The following MAP3K20 variants were observed in gnomAD, a reference collection of about 807,000 sequenced individuals.
MAP3K20 encodes the protein mitogen-activated protein kinase kinase kinase 20.
A neutral mutation model predicts 85.7 loss-of-function variants in MAP3K20; 40 were observed. The ratio of observed to expected loss-of-function variants is 0.47; its 90% CI spans 0.36 to 0.61. The LOEUF (loss-of-function observed/expected upper bound fraction) is 0.61, where lower values mean the gene tolerates loss of function less well. Ranked by LOEUF, MAP3K20 falls within the 20% of genes least tolerant of loss-of-function variation. The probability of loss-of-function intolerance (pLI) is 0.00; values close to 1 mark genes in which losing one functional copy is unlikely to be tolerated. For synonymous variants in MAP3K20, 325 were observed against 327.7 expected (o/e 0.99, Z 0.09); for missense variants, 817 against 961.7 (o/e 0.85, Z 1.99).
At chr2:173,096,523 A>T (rs141753970) in intron 2 of MAP3K20, among the ~76,000 whole-genome samples, 1 of 152,052 alleles carries the variant, frequency 6.6e-6, no homozygotes, top group African/African-American at 2.4e-5. Context: ...GTAGTTTAGT[A>T]GAAACGGGGT....
chr2:173,225,255 T>C, intron 11 of MAP3K20: 1 of 509,388 alleles, frequency 2.0e-6, no homozygotes, highest in Non-Finnish European at 2.5e-6. Flanking sequence ...GTGCCAGGAA[T>C]AGTAACATTA....
chr2:173,168,869 G>T (rs563287573), intron 2 of MAP3K20, among the ~76,000 whole-genome samples: 14 of 151,920 alleles, frequency 9.2e-5, no homozygotes, highest in East Asian at 1.9e-4. Context: ...ATAGTATCTG[G>T]TTTTTTTGTT....
intron 9 of MAP3K20, among the ~76,000 whole-genome samples, chr2:173,207,321 G>A (rs1049038045): frequency 3.9e-5 from 6 of 152,098 alleles, no homozygotes; most frequent in East Asian, 1.9e-4. Flanking sequence ...GTGAAACCCC[G>A]TCTCTACTAA....
intron 3 of MAP3K20, among the ~76,000 whole-genome samples, chr2:173,175,471 TGAGGAACTTTGTGTTTGTAAAAGTTA>T (rs1463980389): frequency 1.3e-5 from 2 of 152,190 alleles, no homozygotes; most frequent in Non-Finnish European, 2.9e-5. Flanking sequence ...GATTGAAACG[TGAGGAACTTTGTGTTTGTAAAAGTTA>T]GCAGTGTTTC....
At chr2:173,224,827 A>G in intron 11 of MAP3K20, 6 of 984,896 alleles carry the variant, frequency 6.1e-6, no homozygotes, top group Non-Finnish European at 7.2e-6. Context: ...GACTCTATTA[A>G]TTTTAAAAGG....
chr2:173,128,260 T>A (rs1688501005), intron 2 of MAP3K20, among the ~76,000 whole-genome samples: 1 of 152,212 alleles, frequency 6.6e-6, no homozygotes, highest in African/African-American at 2.4e-5. Context: ...TTTGAGTTTA[T>A]GCATCTGTAA....
intron 2 of MAP3K20, among the ~76,000 whole-genome samples, chr2:173,116,839 A>G (rs960723018): frequency 3.9e-5 from 6 of 152,248 alleles, no homozygotes; most frequent in African/African-American, 1.2e-4. Context: ...TTCTTTGCCT[A>G]TAATCTATCT....
chr2:173,175,153 T>C (rs1690116970), intron 3 of MAP3K20, among the ~76,000 whole-genome samples: 2 of 152,244 alleles, frequency 1.3e-5, no homozygotes, highest in African/African-American at 2.4e-5. Context: ...AAACTAGCTT[T>C]GATTGAGGTC....
At chr2:173,245,228 C>T (rs1684886673) in intron 16 of MAP3K20, among the ~76,000 whole-genome samples, 2 of 152,136 alleles carry the variant, frequency 1.3e-5, no homozygotes, top group Admixed American at 1.3e-4. Context: ...AGGAAAAACC[C>T]TGTCCACCTT....
chr2:173,117,360 C>T (rs1313435986), intron 2 of MAP3K20, among the ~76,000 whole-genome samples: 1 of 151,984 alleles, frequency 6.6e-6, no homozygotes, highest in Non-Finnish European at 1.5e-5. Context: ...CTCAATGTAG[C>T]CTCAACCTCC....
chr2:173,226,895 T>C (rs1559290011), intron 11 of MAP3K20: 17 of 984,948 alleles, frequency 1.7e-5, no homozygotes, highest in Non-Finnish European at 1.9e-5. Flanking sequence ...AATTATTCTA[T>C]TGCAATGTTA....
intron 3 of MAP3K20, among the ~76,000 whole-genome samples, chr2:173,180,787 A>G (rs1690302606): frequency 6.6e-6 from 1 of 152,212 alleles, no homozygotes; most frequent in African/African-American, 2.4e-5. Flanking sequence ...GTTAAACTAT[A>G]AACTCTCAAA....
intron 2 of MAP3K20, among the ~76,000 whole-genome samples, chr2:173,120,678 A>G (rs919286469): frequency 5.4e-5 from 8 of 148,128 alleles, no homozygotes; most frequent in African/African-American, 2.0e-4. Flanking sequence ...TAGGTATAAC[A>G]GTGATAGGAG....
intron 16 of MAP3K20, among the ~76,000 whole-genome samples, chr2:173,249,743 A>T (rs1192165139): frequency 6.6e-6 from 1 of 152,170 alleles, no homozygotes; most frequent in African/African-American, 2.4e-5. Flanking sequence ...ACTTACTATT[A>T]TTTTTTTCCA....
chr2:173,223,744 TTC>T (rs1170615630), intron 11 of MAP3K20: 4 of 985,354 alleles, frequency 4.1e-6, no homozygotes, highest in Non-Finnish European at 4.8e-6. Flanking sequence ...TGCTACTAGT[TTC>T]TCTGTCTATT....
chr2:173,161,989 G>A (rs1452256163), intron 2 of MAP3K20, among the ~76,000 whole-genome samples: 2 of 152,068 alleles, frequency 1.3e-5, no homozygotes. Context: ...GTAGTCATAT[G>A]TTCTTATATA....
intron 2 of MAP3K20, among the ~76,000 whole-genome samples, chr2:173,139,319 G>A (rs1688900725): frequency 6.6e-6 from 1 of 152,080 alleles, no homozygotes; most frequent in Non-Finnish European, 1.5e-5. Flanking sequence ...CCACAAATGG[G>A]CATTTACCTC....
chr2:173,089,793 G>A (rs571594319), intron 1 of MAP3K20, among the ~76,000 whole-genome samples: 2 of 152,000 alleles, frequency 1.3e-5, no homozygotes, highest in African/African-American at 2.4e-5. Context: ...GGCTGGTCTC[G>A]AACTCCTGAC....
chr2:173,080,570 CAGTG>C (rs1007925576), intron 1 of MAP3K20, among the ~76,000 whole-genome samples: 2 of 152,220 alleles, frequency 1.3e-5, no homozygotes, highest in Non-Finnish European at 2.9e-5. Context: ...CCCAGGATAA[CAGTG>C]AGAATCCATT....
Sources: allele counts gnomAD v4.1 joint callset (sites outside exome capture counted in the v4.1 genomes callset), GRCh38; gene constraint gnomAD v4.1.1; transcripts MANE v1.5; gene names NCBI Gene and HGNC (gene_info 2026-07-23, HGNC 2026-07-21).